ARFGAP3: variants seen among roughly 807,000 people sequenced by gnomAD.
ARFGAP3 encodes ARF GTPase activating protein 3.
In ARFGAP3, 72 loss-of-function variants were observed where a neutral mutation model predicts 75.0. The ratio of observed to expected loss-of-function variants is 0.96; its 90% CI spans 0.79 to 1.17. The LOEUF is 1.17. Ranked by LOEUF, ARFGAP3 falls within the 50% of genes most tolerant of loss-of-function variation. The pLI is 0.00. For missense variants in ARFGAP3, 620 were observed against 626.6 expected, an observed-to-expected ratio of 0.99 and a Z score of 0.11; for synonymous variants, 221 against 217.9, an observed-to-expected ratio of 1.01 and a Z score of -0.13.
At chr22:42,827,526 C>T (rs1420555668) in intron 6 of ARFGAP3, among the ~76,000 whole-genome samples, 1 of 152,128 alleles carries the variant, frequency 6.6e-6, no homozygotes, top group African/African-American at 2.4e-5. Flanking sequence ...GCCACCATGC[C>T]CGGCTAATTT....
chr22:42,852,975 G>A (rs1489450371), intron 1 of ARFGAP3, among the ~76,000 whole-genome samples: 1 of 152,100 alleles, frequency 6.6e-6, no homozygotes, highest in Non-Finnish European at 1.5e-5. Flanking sequence ...TGTTGGCCAG[G>A]CTGGTCTTGA....
intron 10 of ARFGAP3, 98 bp from the exon 11 acceptor site, chr22:42,817,362 T>C (rs1925623743): frequency 3.4e-6 from 5 of 1,464,244 alleles, no homozygotes; most frequent in South Asian, 1.4e-5. Context: ...CAAAGACAAA[T>C]GTATTCGAGG....
chr22:42,854,618 G>A (rs1927419469), intron 1 of ARFGAP3, among the ~76,000 whole-genome samples: 1 of 150,648 alleles, frequency 6.6e-6, no homozygotes, highest in South Asian at 2.1e-4. Flanking sequence ...GAGCTAGACT[G>A]TCTCAAAAGA....
chr22:42,808,414 A>T (rs1251111792), intron 13 of ARFGAP3, among the ~76,000 whole-genome samples: 1 of 152,078 alleles, frequency 6.6e-6, no homozygotes, highest in Non-Finnish European at 1.5e-5. Flanking sequence ...AAAAAAAGAA[A>T]CATATCTATG....
chr22:42,810,649 G>A (rs73176815), intron 12 of ARFGAP3, among the ~76,000 whole-genome samples, 164 bp downstream of exon 12: 427 of 152,258 alleles, frequency 2.8e-3, no homozygotes, highest in Non-Finnish European at 4.9e-3. Context: ...GTACTCCTGG[G>A]CTCAAGTGAT....
At chr22:42,800,158 A>C (rs1924791708) in intron 14 of ARFGAP3, among the ~76,000 whole-genome samples, 1 of 152,130 alleles carries the variant, frequency 6.6e-6, no homozygotes, top group Non-Finnish European at 1.5e-5. Context: ...AGTGAGCTCA[A>C]CACAAACCCT....
intron 4 of ARFGAP3, 102 bp from the exon 5 acceptor site, chr22:42,834,427 G>T: frequency 6.6e-7 from 1 of 1,516,196 alleles, no homozygotes; most frequent in South Asian, 1.3e-5. Context: ...CCTAAAGATT[G>T]GTGCTTTCCA....
At position 42,822,271 on chromosome 22, in the gene ARFGAP3, T is replaced by C. The variant is rs756575075; in HGVS notation, c.811A>G (p.Ile271Val). The C allele has an allele frequency of 6.8e-6, 11 of 1,609,270 alleles. No homozygotes were observed. In the African/African-American group the frequency reaches 8.0e-5, roughly 12 times the overall value. Residue 271 changes from isoleucine (I) to valine (V), a missense_variant and splice_region_variant, in exon 9 of 16, where the codon ATT becomes GTT. Ile to Val is a conservative substitution (Grantham distance 29). Transcript: ENST00000263245. ...LAKVVSKEES[I>V]VSSLRLAYKD... Reference sequence around the variant, plus strand: ...TTAATATAATGAAATTAAACTTACATTGATTCTTCTTTAGATACCACCTTG... The same window carrying C: ...TTAATATAATGAAATTAAACTTACACTGATTCTTCTTTAGATACCACCTTG...
intron 12 of ARFGAP3, among the ~76,000 whole-genome samples, 153 bp downstream of exon 12, chr22:42,810,660 C>T (rs539163062): frequency 1.3e-5 from 2 of 152,050 alleles, no homozygotes; most frequent in African/African-American, 4.8e-5. Flanking sequence ...CTCAAGTGAT[C>T]CTTTGACCTC....
chr22:42,846,022 G>A (rs1345185417), intron 2 of ARFGAP3, among the ~76,000 whole-genome samples: 2 of 88,692 alleles, frequency 2.3e-5, no homozygotes, highest in East Asian at 4.1e-4. Flanking sequence ...TGGGCGACAA[G>A]AGCAAAACTC....
intron 3 of ARFGAP3, 85 bp downstream of exon 3, chr22:42,840,859 C>T: frequency 6.5e-6 from 9 of 1,381,922 alleles, no homozygotes; most frequent in Non-Finnish European, 9.0e-6. Context: ...GCATGAGCCA[C>T]TGCACCTAGC....
intron 1 of ARFGAP3, among the ~76,000 whole-genome samples, chr22:42,855,703 G>T (rs1320070874): frequency 7.1e-6 from 1 of 140,544 alleles, no homozygotes; most frequent in Non-Finnish European, 1.5e-5. Flanking sequence ...AAATTAAAAC[G>T]TTAAAAAAAA....
intron 14 of ARFGAP3, among the ~76,000 whole-genome samples, chr22:42,804,584 G>A (rs1042299480): frequency 2.0e-5 from 3 of 152,044 alleles, no homozygotes; most frequent in Non-Finnish European, 4.4e-5. Flanking sequence ...GCTTCACCAT[G>A]TTGGCCAGGC....
intron 2 of ARFGAP3, among the ~76,000 whole-genome samples, chr22:42,844,964 T>TGCCC (rs370221216): frequency 8.5e-4 from 130 of 152,328 alleles, no homozygotes; most frequent in Middle Eastern, 6.8e-3. Context: ...CCTGCTGTAC[T>TGCCC]GCCCCTCAGG....
intron 14 of ARFGAP3, among the ~76,000 whole-genome samples, chr22:42,802,019 G>A (rs1475597872): frequency 6.6e-6 from 1 of 152,162 alleles, no homozygotes; most frequent in Non-Finnish European, 1.5e-5. Context: ...GGGAACCATG[G>A]TCCTGGAGGT....
chr22:42,835,547 C>A, intron 3 of ARFGAP3, 54 bp from the exon 4 acceptor site: 1 of 1,594,452 alleles, frequency 6.3e-7, no homozygotes, highest in Non-Finnish European at 8.5e-7. Context: ...TATGGCCAGG[C>A]GCAGTGGCTC....
rs1924848994 is a variant in ARFGAP3, at chr22:42,801,304, C to G, written c.1412-2144G>C. Among the ~76,000 whole-genome samples, 3 of 152,308 alleles carry G rather than the reference C, an allele frequency of 2.0e-5. No homozygotes were observed. The East Asian group carries it at 5.8e-4, about 29-fold the overall frequency. On this transcript the variant is annotated intron_variant, in intron 14 of 15. Coordinates refer to ENST00000263245, the MANE Select transcript of ARFGAP3 (RefSeq NM_014570.5). ...AGGAAGAAGACAGCTGCTCCCCTCTCTGAGACAGAGGGGACACTGAGCTAC... is the reference window on the plus strand; with the variant it reads ...AGGAAGAAGACAGCTGCTCCCCTCTGTGAGACAGAGGGGACACTGAGCTAC...
intron 11 of ARFGAP3, among the ~76,000 whole-genome samples, chr22:42,812,790 A>G (rs956338801): frequency 1.3e-5 from 2 of 152,384 alleles, no homozygotes. Flanking sequence ...GAAGGTCATT[A>G]AGAACAAATC....
At chr22:42,804,114 G>A (rs1925006095) in intron 14 of ARFGAP3, among the ~76,000 whole-genome samples, 1 of 151,786 alleles carries the variant, frequency 6.6e-6, no homozygotes, top group Non-Finnish European at 1.5e-5. Context: ...ATGTTGCCCA[G>A]GCTGGTCTGG....
Sources: allele counts gnomAD v4.1 joint callset (sites outside exome capture counted in the v4.1 genomes callset), GRCh38; gene constraint gnomAD v4.1.1; transcripts MANE v1.5; gene names NCBI Gene and HGNC (gene_info 2026-07-23, HGNC 2026-07-21).